IFRD2: variants seen among roughly 807,000 people sequenced by gnomAD.
The protein encoded by IFRD2 is interferon-related developmental regulator 2.
In IFRD2, 35 loss-of-function variants were observed where a neutral mutation model predicts 49.2. The observed-to-expected ratio is 0.71, with a 90% CI of 0.54 to 0.94. IFRD2 has a LOEUF of 0.94. Ranked by LOEUF, IFRD2 falls within the 40% of genes least tolerant of loss-of-function variation. IFRD2 has a pLI of 0.00. For synonymous variants in IFRD2, 275 were observed against 239.7 expected, an observed-to-expected ratio of 1.15 and a Z score of -1.36; for missense variants, 561 against 591.6, an observed-to-expected ratio of 0.95 and a Z score of 0.54.
chr3:50,290,532 C>G (rs1382909325), intron 2 of IFRD2, 28 bp downstream of exon 2: 1 of 1,610,984 alleles, frequency 6.2e-7, no homozygotes. Context: ...CCTCACCAAG[C>G]CCCTGTCAAA....
chr3:50,290,279 C>CT lies in IFRD2; in HGVS notation c.278dup (p.Ala95CysfsTer3). On this transcript the variant is annotated frameshift_variant, in exon 4 of 12. Coordinates refer to ENST00000417626, the MANE Select transcript of IFRD2 (RefSeq NM_006764.5). LOFTEE classifies it high-confidence loss of function. ...CCAGGCGCAGGCTCTCAAGAGCACC[C>CT]TGCCGGGTCTTGGCACTGGGGGAGG... The CT allele has an allele frequency of 6.2e-7, 1 of 1,611,540 alleles. No individual in the cohort carries two copies. The highest frequency in any genetic ancestry group is 1.1e-5 in the South Asian group (1 of 90,650).
rs1553709278 is a variant in IFRD2 at position 50,289,442 on chromosome 3, C to T, written c.779+5G>A. The T allele has an allele frequency of 5.1e-6, 8 of 1,572,464 alleles. No homozygotes were observed. The Admixed American group carries it at 1.3e-4, about 26-fold the overall frequency. On this transcript the variant is annotated splice_donor_5th_base_variant and intron_variant, in intron 7 of 11. Coordinates refer to ENST00000417626, the MANE Select transcript of IFRD2 (RefSeq NM_006764.5). ...CTCCCCCTCCCAGTGGACAGCCACC[C>T]CTACCTGTCAAGGATGTGGCTGATT... is the stretch of plus-strand genomic sequence containing the variant.
Position 50,290,622 on chromosome 3 carries a change from T to C in IFRD2, c.116A>G (p.Glu39Gly). ...GCATTCACTGGCGGTGCTGCGGGCC[T>C]CACTGGCTGCCTCATCGTCACTGGA... ...SGSSDDEAASEARSTASECPS... is the reference protein window; with the variant it reads ...SGSSDDEAASGARSTASECPS... Residue 39 changes from glutamate (E) to glycine (G), a missense_variant, in exon 2 of 12, where the codon GAG becomes GGG. Transcript: ENST00000417626. 2 of 1,613,934 alleles carry C rather than the reference T, an allele frequency of 1.2e-6. No homozygotes were observed. The highest frequency in any genetic ancestry group is 1.7e-6 in the Non-Finnish European group (2 of 1,179,866).
chr3:50,290,550 C>G lies in IFRD2; in HGVS notation c.178+10G>C. The G allele has an allele frequency of 1.2e-6, 2 of 1,613,514 alleles. No individual in the cohort carries two copies. Among genetic ancestry groups the G allele is most frequent in the South Asian group, 1.1e-5 (1 of 90,854 alleles). ...CACCAAGCCCCTGTCAAACTTCCAC[C>G]CGCTCTCACCAAGGCTGTCCTCTGC... On this transcript the variant is annotated intron_variant, in intron 2 of 11. Transcript: ENST00000417626.
In IFRD2 at chr3:50,288,084, T is replaced by TA. The variant is rs200386050; in HGVS notation, c.*106dup. ...CCATGTCTGTTTTTGGTTTTGTCAT[T>TA]AAAAAAAATAAAGTGACAAATACTG... On this transcript the variant is annotated 3_prime_UTR_variant, in exon 12 of 12. Coordinates refer to ENST00000417626, the MANE Select transcript of IFRD2 (RefSeq NM_006764.5). The TA allele has an allele frequency of 8.8e-4, 944 of 1,077,352 alleles. 1 individual carries two copies. Among genetic ancestry groups the TA allele is most frequent in the Admixed American group, 1.3e-3 (61 of 47,442 alleles). The allele number at this position is 1,077,352 out of a possible 1,614,324, so 66.7% of individuals were successfully genotyped here. A position where few individuals can be genotyped will look rare whatever the true frequency, so the allele number is the denominator to read the frequency against.
Position 50,288,564 on chromosome 3 carries a change from T to C in IFRD2, c.1152+19A>G, listed in dbSNP as rs781917174. The stretch of plus-strand genomic sequence containing the variant: ...TGAAGCAACCACACCAGATGTCCCC[T>C]CCCTGTCCGTCCCCGCACCTGGAGG... On this transcript the variant is annotated intron_variant, in intron 10 of 11. Coordinates refer to ENST00000417626, the MANE Select transcript of IFRD2 (RefSeq NM_006764.5). The C allele has an allele frequency of 6.2e-7, 1 of 1,613,804 alleles. No homozygotes were observed. The highest frequency in any genetic ancestry group is 1.3e-5 in the African/African-American group (1 of 74,910).
chr3:50,288,663 A>G lies in IFRD2; in HGVS notation c.1072T>C (p.Tyr358His), dbSNP rs376396811. The G allele has an allele frequency of 3.7e-5, 60 of 1,613,760 alleles. No homozygotes were observed. In the African/African-American group the frequency reaches 7.2e-4, roughly 19 times the overall value. Residue 358 changes from tyrosine (Y) to histidine (H), a missense_variant, in exon 10 of 12, where the codon TAC becomes CAC. Coordinates refer to ENST00000417626, the MANE Select transcript of IFRD2 (RefSeq NM_006764.5). Reference protein sequence around the residue: ...EIVRFGFEVLYMDSWARHRIY... With the variant: ...EIVRFGFEVLHMDSWARHRIY... Reference sequence around the variant, plus strand: ...CGGTGCCGAGCCCAGCTGTCCATGTAGAGCACCTCAAAGCCGAAGCGCACT... The same window carrying G: ...CGGTGCCGAGCCCAGCTGTCCATGTGGAGCACCTCAAAGCCGAAGCGCACT...
At chr3:50,289,829 C>A in intron 5 of IFRD2, 67 bp from the exon 6 acceptor site, 1 of 1,586,402 alleles carries the variant, frequency 6.3e-7, no homozygotes, top group Non-Finnish European at 8.6e-7. Flanking sequence ...CCCTGGAGCT[C>A]ACTCCCCTCA....
At position 50,289,501 on chromosome 3, in the gene IFRD2, C is replaced by G. The variant is rs1404868007; in HGVS notation, c.725G>C (p.Trp242Ser). The change falls in exon 7 of 12, where the codon TGG becomes TCG. Residue 242 changes from tryptophan to serine, a missense_variant. Physicochemically the swap from Trp to Ser is radical, Grantham distance 177 (BLOSUM62 -3). Coordinates refer to ENST00000417626, the MANE Select transcript of IFRD2 (RefSeq NM_006764.5). ...HGLLSAALQA[W>S]ALLLTICPST... is the part of the protein sequence containing the mutation. ...AGGGCAGATGGTGAGCAGCAATGCC[C>G]AGGCCTGCAGGGCAGCAGAGAGCAG... 1 of 1,584,956 alleles carries G rather than the reference C, an allele frequency of 6.3e-7. No homozygotes were observed. Among genetic ancestry groups the G allele is most frequent in the Non-Finnish European group, 8.6e-7 (1 of 1,165,696 alleles).
chr3:50,289,786 T>A (rs1559802296), intron 5 of IFRD2, 24 bp from the exon 6 acceptor site: 1 of 1,595,294 alleles, frequency 6.3e-7, no homozygotes, highest in African/African-American at 1.3e-5. Flanking sequence ...GGCAATGCAA[T>A]GCCACGGTCA....
intron 1 of IFRD2, 106 bp from the exon 2 acceptor site, chr3:50,290,785 C>CA (rs1553709689): frequency 2.7e-6 from 4 of 1,459,392 alleles, no homozygotes; most frequent in Non-Finnish European, 3.7e-6. Flanking sequence ...GTGTCCCTCT[C>CA]AGAGATGAAA....
chr3:50,290,647 A>G lies in IFRD2; in HGVS notation c.91T>C (p.Ser31Pro). Residue 31 changes from serine to proline, a missense_variant, in exon 2 of 12, where the codon TCC becomes CCC. Coordinates refer to ENST00000417626, the MANE Select transcript of IFRD2 (RefSeq NM_006764.5). ...TCACTGGCTGCCTCATCGTCACTGG[A>G]ACCCGAGTCAGCTTGGGCACTGCTC... is the stretch of plus-strand genomic sequence containing the variant. ...ARSSAQADSG[S>P]SDDEAASEAR... 6.2e-7 allele frequency: 1 copy of G among 1,613,966 alleles called. No homozygotes were observed. The highest frequency in any genetic ancestry group is 8.5e-7 in the Non-Finnish European group (1 of 1,179,880).
At chr3:50,292,023 C>T in intron 1 of IFRD2, 194 bp downstream of exon 1, 1 of 599,094 alleles carries the variant, frequency 1.7e-6, no homozygotes, top group South Asian at 2.6e-5. Context: ...AGGCAGTGGG[C>T]AGCGAGCTCA....
At position 50,288,241 on chromosome 3, in the gene IFRD2, G is replaced by C. The variant is rs188816777; in HGVS notation, c.1279C>G (p.Arg427Gly). Residue 427 changes from arginine to glycine, a missense_variant, in exon 12 of 12, where the codon CGG (arginine) becomes GGG (glycine). By Grantham distance (125) the Arg-to-Gly change is moderately radical (BLOSUM62 -2). Coordinates refer to ENST00000417626, the MANE Select transcript of IFRD2 (RefSeq NM_006764.5). ...HLYNAAAFKA[R>G]TKARSRVRDK... ...CGCACACGGCTTCGAGCCTTGGTCC[G>C]GGCTTTGAAGGCAGCAGCATTGTAC... The C allele has an allele frequency of 6.2e-7, 1 of 1,613,900 alleles. No individual in the cohort carries two copies. Among genetic ancestry groups the C allele is most frequent in the Non-Finnish European group, 8.5e-7 (1 of 1,179,846 alleles).
In IFRD2 at chr3:50,288,866, C is replaced by T; in HGVS notation, c.957G>A (p.Lys319=). The part of the protein sequence containing the change: ...VLRTLATDSN[K]YRAKADRRRQ... ...GCCGACGATCAGCCTTGGCACGGTA[C>T]TTGTTACTGTCAGTGGCCAGAGTGC... The change falls in exon 9 of 12, where the codon AAG becomes AAA. Residue 319 remains lysine, a synonymous_variant. Transcript: ENST00000417626. The T allele has an allele frequency of 1.2e-6, 2 of 1,613,622 alleles. No homozygotes were observed. The highest frequency in any genetic ancestry group is 1.7e-6 in the Non-Finnish European group (2 of 1,179,710).
Position 50,288,593 on chromosome 3 carries a change from T to C in IFRD2, c.1142A>G (p.His381Arg). ...FKEVLGSGMH[H>R]HLQNNELLRD... ...TGTCCGTCCCCGCACCTGGAGGTGGTGGTGCATGCCCGAACCCAGCACTTC... is the reference window on the plus strand; with the variant it reads ...TGTCCGTCCCCGCACCTGGAGGTGGCGGTGCATGCCCGAACCCAGCACTTC... The change falls in exon 10 of 12, where the codon CAC (histidine) becomes CGC (arginine). Residue 381 changes from histidine (H) to arginine (R), a missense_variant. Physicochemically the swap from His to Arg is conservative, Grantham distance 29. Transcript: ENST00000417626. 1 of 1,613,902 alleles carries C rather than the reference T, an allele frequency of 6.2e-7. No homozygotes were observed. Among genetic ancestry groups the C allele is most frequent in the Non-Finnish European group, 8.5e-7 (1 of 1,179,862 alleles).
intron 8 of IFRD2, 23 bp from the exon 9 acceptor site, chr3:50,288,960 T>C: frequency 6.2e-7 from 1 of 1,607,822 alleles, no homozygotes; most frequent in Non-Finnish European, 8.5e-7. Flanking sequence ...CATTGGAGGG[T>C]GTGTGGTAGA....
chr3:50,290,836 CTG>C (rs1359453421), intron 1 of IFRD2, among the ~76,000 whole-genome samples, 157 bp from the exon 2 acceptor site: 2 of 152,168 alleles, frequency 1.3e-5, no homozygotes, highest in African/African-American at 4.8e-5. Context: ...TGGTGCACTC[CTG>C]TGTGTGGGGT....
In IFRD2 at chr3:50,292,249, G is replaced by T. The variant is rs113502427; in HGVS notation, c.26C>A (p.Thr9Lys). The T allele has an allele frequency of 6.5e-3, 9,970 of 1,525,912 alleles. 599 individuals carry two copies. The African/African-American group carries it at 0.12, about 19-fold the overall frequency. The allele number at this position is 1,525,912 out of a possible 1,614,324, so 94.5% of individuals were successfully genotyped here. The stretch of plus-strand genomic sequence containing the variant: ...ACGGCGCTGACCACCCTTCCGGAGC[G>T]TGTTGCCCTTACGGGCGCGAGGCAT... MPRARKGNTLRKGGQRRGG... is the reference protein window; with the variant it reads MPRARKGNKLRKGGQRRGG... The change falls in exon 1 of 12, where the codon ACG becomes AAG. Residue 9 changes from threonine (T) to lysine (K), a missense_variant. Thr to Lys is a moderately conservative substitution (Grantham distance 78). Transcript: ENST00000417626.
Sources: gnomAD v4.1 joint callset for allele counts (sites outside exome capture counted in the v4.1 genomes callset) on GRCh38, gnomAD v4.1.1 for gene constraint, MANE v1.5 for transcripts, NCBI Gene and HGNC (gene_info 2026-07-23, HGNC 2026-07-21) for gene names.